LRBA: variants seen among roughly 807,000 people sequenced by gnomAD.
LRBA encodes LPS responsive beige-like anchor protein, also known as lipopolysaccharide-responsive and beige-like anchor protein.
In LRBA, 176 loss-of-function variants were observed where a neutral mutation model predicts 330.0. The ratio of observed to expected loss-of-function variants is 0.53; its 90% CI spans 0.47 to 0.60. The LOEUF is 0.60. Ranked by LOEUF, LRBA falls within the 20% of genes least tolerant of loss-of-function variation. The pLI is 0.00. For synonymous variants in LRBA, 1,230 were observed against 1,193.0 expected, an observed-to-expected ratio of 1.03 and a Z score of -0.64; for missense variants, 3,259 against 3,444.8, an observed-to-expected ratio of 0.95 and a Z score of 1.35.
At chr4:150,419,700 C>T (rs1166003245) in intron 46 of LRBA, among the ~76,000 whole-genome samples, 5 of 140,586 alleles carry the variant, frequency 3.6e-5, no homozygotes, top group Admixed American at 2.3e-4. Context: ...TGCAGTGGCG[C>T]GATCTTGGCT....
chr4:150,992,523 A>C (rs555415776), intron 2 of LRBA, among the ~76,000 whole-genome samples: 2 of 152,334 alleles, frequency 1.3e-5, no homozygotes, highest in East Asian at 3.9e-4. Context: ...ATAAGTATAA[A>C]TATCATGTGG....
chr4:150,917,734 C>T (rs1007306475), intron 5 of LRBA, among the ~76,000 whole-genome samples: 1 of 152,018 alleles, frequency 6.6e-6, no homozygotes, highest in Non-Finnish European at 1.5e-5. Context: ...CGAGACCAGC[C>T]TGGCCAACAT....
intron 37 of LRBA, among the ~76,000 whole-genome samples, chr4:150,637,708 C>T (rs1400594387): frequency 6.6e-6 from 1 of 152,130 alleles, no homozygotes; most frequent in Non-Finnish European, 1.5e-5. Flanking sequence ...CATAAGTGAA[C>T]TTGAAAGTGG....
intron 2 of LRBA, among the ~76,000 whole-genome samples, chr4:150,950,844 C>T (rs1370850693): frequency 1.3e-5 from 2 of 152,134 alleles, no homozygotes; most frequent in Non-Finnish European, 2.9e-5. Flanking sequence ...TCAGGCCTGG[C>T]TAAATATATA....
chr4:150,826,960 G>T (rs531306119), intron 30 of LRBA, among the ~76,000 whole-genome samples: 2 of 152,164 alleles, frequency 1.3e-5, no homozygotes, highest in Non-Finnish European at 2.9e-5. Flanking sequence ...TGTTGTGCAT[G>T]ACTCCACAGG....
At chr4:150,845,622 G>C (rs997779748) in intron 26 of LRBA, among the ~76,000 whole-genome samples, 1 of 152,072 alleles carries the variant, frequency 6.6e-6, no homozygotes, top group Non-Finnish European at 1.5e-5. Flanking sequence ...AACTTAAGGG[G>C]GGACTTCACA....
rs1310011335 is a variant in LRBA at position 150,595,199 on chromosome 4, A to C, written c.6046+3808T>G. 2.1e-5 allele frequency among the ~76,000 whole-genome samples: 3 copies of C among 140,344 alleles called. No homozygotes were observed. In the Admixed American group the frequency reaches 2.3e-4, roughly 11 times the overall value. The allele number at this position is 140,344 out of a possible 152,430, so 92.1% of individuals were successfully genotyped here. On this transcript the variant is annotated intron_variant, in intron 38 of 56. Coordinates refer to ENST00000651943, the MANE Select transcript of LRBA (RefSeq NM_001364905.1). ...CCCCTCTATAGTTTATGCCATGTCCATAGCATTCCAAGTCAAGAAAACTGA... is the reference window on the plus strand; with the variant it reads ...CCCCTCTATAGTTTATGCCATGTCCCTAGCATTCCAAGTCAAGAAAACTGA...
intron 35 of LRBA, among the ~76,000 whole-genome samples, chr4:150,749,136 T>C (rs949029953): frequency 6.6e-6 from 1 of 151,990 alleles, no homozygotes; most frequent in Non-Finnish European, 1.5e-5. Flanking sequence ...AAGACCTAAA[T>C]GTAAGAGTTA....
chr4:150,763,850 T>G (rs1053326754), intron 34 of LRBA, among the ~76,000 whole-genome samples: 4 of 151,936 alleles, frequency 2.6e-5, no homozygotes, highest in African/African-American at 9.7e-5. Flanking sequence ...AGAAGCAGCT[T>G]AGGATTTAAG....
intron 48 of LRBA, among the ~76,000 whole-genome samples, chr4:150,335,081 C>T (rs1209375330): frequency 6.6e-5 from 10 of 151,902 alleles, no homozygotes; most frequent in African/African-American, 1.7e-4. Flanking sequence ...CCGCCTGCCT[C>T]GGCCTCCCAA....
chr4:151,000,460 TCACTA>T (rs1743205521), intron 2 of LRBA, among the ~76,000 whole-genome samples: 4 of 152,300 alleles, frequency 2.6e-5, no homozygotes, highest in African/African-American at 9.6e-5. Context: ...ATTGCCAACA[TCACTA>T]CTCTTGTCCC....
intron 34 of LRBA, among the ~76,000 whole-genome samples, chr4:150,793,025 A>C (rs1463959497): frequency 6.6e-6 from 1 of 152,090 alleles, no homozygotes; most frequent in Non-Finnish European, 1.5e-5. Context: ...GGTTGCAGTG[A>C]GCCAAGACCA....
chr4:150,443,423 C>A (rs753358843), intron 44 of LRBA, among the ~76,000 whole-genome samples: 4 of 152,114 alleles, frequency 2.6e-5, no homozygotes, highest in Non-Finnish European at 5.9e-5. Context: ...GCACTACTCA[C>A]AACAGCAAAG....
chr4:150,447,079 C>T (rs1037461552), intron 44 of LRBA, among the ~76,000 whole-genome samples: 3 of 152,060 alleles, frequency 2.0e-5, no homozygotes, highest in African/African-American at 4.8e-5. Flanking sequence ...TGGGCTGCCT[C>T]TACAATTTAA....
intron 36 of LRBA, among the ~76,000 whole-genome samples, chr4:150,727,465 G>A (rs1293274003): frequency 2.0e-5 from 3 of 151,982 alleles, no homozygotes; most frequent in African/African-American, 7.3e-5. Context: ...CCATACGTTA[G>A]GTCACAAAAC....
rs1196008554 is a variant in LRBA at position 150,639,817 on chromosome 4, GTGTATATATATATATATA to G, written c.5922-40704_5922-40687del. 5.0e-3 allele frequency among the ~76,000 whole-genome samples: 27 copies of G among 5,370 alleles called. 1 individual carries two copies. In the East Asian group the frequency reaches 0.065, roughly 13 times the overall value. 3.5% of individuals were successfully genotyped at this position (5,370 alleles called of 152,430 possible). On this transcript the variant is annotated intron_variant, in intron 37 of 56. Transcript: ENST00000651943. Reference sequence around the variant, plus strand: ...TATATATATATATATGTGTGTGTGTGTGTATATATATATATATATATATATATATATATATATATATAT... The same window carrying G: ...TATATATATATATATGTGTGTGTGTGTATATATATATATATATATATATAT...
At chr4:150,373,154 T>C (rs1260437800) in intron 47 of LRBA, among the ~76,000 whole-genome samples, 1 of 148,354 alleles carries the variant, frequency 6.7e-6, no homozygotes, top group Non-Finnish European at 1.5e-5. Context: ...TGTGTGTGTG[T>C]GTGTGTGTGT....
At chr4:150,681,773 C>A (rs1220618454) in intron 37 of LRBA, among the ~76,000 whole-genome samples, 1 of 152,072 alleles carries the variant, frequency 6.6e-6, no homozygotes, top group African/African-American at 2.4e-5. Context: ...TGTGGACTTG[C>A]AGAAATATTA....
intron 37 of LRBA, among the ~76,000 whole-genome samples, chr4:150,666,492 C>T (rs947674219): frequency 2.0e-5 from 3 of 150,890 alleles, no homozygotes; most frequent in Admixed American, 2.0e-4. Context: ...CCAGCCTGGG[C>T]AACAGAGTGA....
Sources: gnomAD v4.1 joint callset for allele counts (sites outside exome capture counted in the v4.1 genomes callset) on GRCh38, gnomAD v4.1.1 for gene constraint, MANE v1.5 for transcripts, NCBI Gene and HGNC (gene_info 2026-07-23, HGNC 2026-07-21) for gene names.